The following TASP1 variants were observed in gnomAD, a reference collection of about 807,000 sequenced individuals.
The protein encoded by TASP1 is threonine aspartase 1.
Under a neutral mutation model 56.6 loss-of-function variants are expected in TASP1, and 16 were observed. The observed-to-expected ratio is 0.28, with a 90% CI of 0.19 to 0.43. The LOEUF (loss-of-function observed/expected upper bound fraction) is 0.43. Ranked by LOEUF, TASP1 falls within the 20% of genes least tolerant of loss-of-function variation. The probability of loss-of-function intolerance (pLI) is 1.00; values close to 1 mark genes in which losing one functional copy is unlikely to be tolerated. For missense variants in TASP1, 393 were observed against 511.6 expected (o/e 0.77, Z 2.24); for synonymous variants, 179 against 184.2 (o/e 0.97, Z 0.23).
chr20:13,407,795 C>T (rs1342423155), intron 13 of TASP1, among the ~76,000 whole-genome samples: 1 of 152,112 alleles, frequency 6.6e-6, no homozygotes, highest in Admixed American at 6.5e-5. Flanking sequence ...GTGGTATCTA[C>T]TTGTGGTTGT....
the TASP1 span, among the ~76,000 whole-genome samples, chr20:13,362,214 T>C: frequency 6.6e-6 from 1 of 150,652 alleles, no homozygotes; most frequent in Non-Finnish European, 1.5e-5. Flanking sequence ...GTTTTATTTT[T>C]CTTATTAATA....
intron 2 of TASP1, among the ~76,000 whole-genome samples, chr20:13,627,416 A>C (rs1417578460): frequency 1.3e-5 from 2 of 152,198 alleles, no homozygotes; most frequent in African/African-American, 4.8e-5. Context: ...CCCCAGCACC[A>C]ACCTTTACCT....
At chr20:13,532,983 T>C (rs2045280540) in intron 9 of TASP1, among the ~76,000 whole-genome samples, 1 of 152,162 alleles carries the variant, frequency 6.6e-6, no homozygotes, top group Non-Finnish European at 1.5e-5. Context: ...CCTTGCACAC[T>C]AGGCAGAGTA....
the TASP1 span, among the ~76,000 whole-genome samples, chr20:13,245,633 A>G: frequency 1.3e-5 from 2 of 151,902 alleles, no homozygotes; most frequent in Non-Finnish European, 2.9e-5. Context: ...TCCCCTGCAC[A>G]CTCTAGTGTA....
the TASP1 span, among the ~76,000 whole-genome samples, chr20:13,240,763 G>A: frequency 3.3e-5 from 5 of 152,212 alleles, no homozygotes; most frequent in African/African-American, 1.2e-4. Flanking sequence ...GACCAGGGTA[G>A]AGAAGAGTGG....
the TASP1 span, chr20:13,238,072 C>A: frequency 4.6e-5 from 7 of 152,166 alleles, no homozygotes; most frequent in East Asian, 5.8e-4. Context: ...CATATATCTT[C>A]TTTATAGGAC....
chr20:13,122,103 C>T, the TASP1 span, among the ~76,000 whole-genome samples: 7 of 152,278 alleles, frequency 4.6e-5, no homozygotes, highest in African/African-American at 7.2e-5. Flanking sequence ...TGCTTTGAGG[C>T]CCCTGGCCAC....
At chr20:13,133,051 T>A in the TASP1 span, 1 of 152,400 alleles carries the variant, frequency 6.6e-6, no homozygotes, top group Non-Finnish European at 1.5e-5. Flanking sequence ...CATCATTCTC[T>A]CTCTTTGAAA....
chr20:13,437,964 C>A (rs2043069696), intron 11 of TASP1, among the ~76,000 whole-genome samples: 3 of 152,232 alleles, frequency 2.0e-5, no homozygotes, highest in Admixed American at 2.0e-4. Flanking sequence ...AATGCCATCC[C>A]CATCAAGCTA....
At chr20:13,300,372 A>AT in the TASP1 span, 1 of 151,996 alleles carries the variant, frequency 6.6e-6, no homozygotes, top group African/African-American at 2.4e-5. Context: ...TATTTTAACA[A>AT]TTTTTTCATC....
chr20:13,296,893 C>A, the TASP1 span, among the ~76,000 whole-genome samples: 1 of 152,094 alleles, frequency 6.6e-6, no homozygotes, highest in African/African-American at 2.4e-5. Flanking sequence ...TGGCAGGTGC[C>A]AGTATTCCCA....
chr20:13,323,135 T>C, the TASP1 span, among the ~76,000 whole-genome samples: 1 of 152,098 alleles, frequency 6.6e-6, no homozygotes, highest in Admixed American at 6.5e-5. Flanking sequence ...CAACATGGAA[T>C]AGGGAGGGCA....
chr20:13,364,468 C>A, the TASP1 span, among the ~76,000 whole-genome samples: 1 of 152,062 alleles, frequency 6.6e-6, no homozygotes, highest in South Asian at 2.1e-4. Flanking sequence ...ATGGCCATGG[C>A]AGGAGTGGCA....
At chr20:13,285,256 A>C in the TASP1 span, among the ~76,000 whole-genome samples, 1 of 152,126 alleles carries the variant, frequency 6.6e-6, no homozygotes, top group Non-Finnish European at 1.5e-5. Context: ...GTGCCACTGC[A>C]CTCCAGCCTA....
At chr20:13,624,611 G>A (rs2048822595) in intron 3 of TASP1, among the ~76,000 whole-genome samples, 1 of 152,088 alleles carries the variant, frequency 6.6e-6, no homozygotes, top group African/African-American at 2.4e-5. Flanking sequence ...TACAAGACTA[G>A]TAAGAATCAA....
At chr20:13,553,180 A>G (rs1232259484) in intron 8 of TASP1, among the ~76,000 whole-genome samples, 1 of 152,238 alleles carries the variant, frequency 6.6e-6, no homozygotes, top group East Asian at 1.9e-4. Flanking sequence ...CCTAGCCTCA[A>G]GTGATCCTCT....
At chr20:13,436,267 C>G (rs2042997346) in intron 11 of TASP1, among the ~76,000 whole-genome samples, 1 of 151,614 alleles carries the variant, frequency 6.6e-6, no homozygotes, top group Non-Finnish European at 1.5e-5. Context: ...TTGACAGTGT[C>G]CAAAAGAATC....
At chr20:13,199,477 T>C in the TASP1 span, among the ~76,000 whole-genome samples, 2 of 152,138 alleles carry the variant, frequency 1.3e-5, no homozygotes, top group African/African-American at 4.8e-5. Flanking sequence ...GACCCACCTC[T>C]GGCCCTCATA....
chr20:13,223,393 C>T, the TASP1 span, among the ~76,000 whole-genome samples: 2 of 152,142 alleles, frequency 1.3e-5, no homozygotes, highest in Non-Finnish European at 2.9e-5. Context: ...ATTTAACTCA[C>T]TTAATTTAAC....
Sources: gnomAD v4.1 joint callset for allele counts (sites outside exome capture counted in the v4.1 genomes callset) on GRCh38, gnomAD v4.1.1 for gene constraint, MANE v1.5 for transcripts, NCBI Gene and HGNC (gene_info 2026-07-23, HGNC 2026-07-21) for gene names.